Variants in SLC6A12 observed in about 807,000 individuals in gnomAD.
SLC6A12 encodes solute carrier family 6 member 12, also known as sodium- and chloride-dependent betaine transporter.
In SLC6A12, 50 loss-of-function variants were observed where a neutral mutation model predicts 73.3. The ratio of observed to expected loss-of-function variants is 0.68; its 90% CI spans 0.54 to 0.86. SLC6A12 has a LOEUF of 0.86. Ranked by LOEUF, SLC6A12 falls within the 40% of genes least tolerant of loss-of-function variation. The pLI is 0.00. For synonymous variants in SLC6A12, 304 were observed against 309.2 expected (o/e 0.98, Z 0.18); for missense variants, 648 against 772.8 (o/e 0.84, Z 1.92).
At chr12:187,703 T>A (rs771709135), downstream of SLC6A12, among the ~76,000 whole-genome samples, 6 of 147,574 alleles carry the variant, frequency 4.1e-5, no homozygotes, top group Non-Finnish European at 7.5e-5. Context: ...TCCGGCAGCC[T>A]GCTTTTATTC....
chr12:213,148 G>C lies in SLC6A12; in HGVS notation c.-143+774C>G, dbSNP rs1319562804. 6.6e-6 allele frequency: 1 copy of C among 152,350 alleles called. No individual in the cohort carries two copies. The highest frequency in any genetic ancestry group is 1.5e-5 in the Non-Finnish European group (1 of 68,186). The allele number at this position is 152,350 out of a possible 1,614,324, so 9.4% of individuals were successfully genotyped here. A position where few individuals can be genotyped will look rare whatever the true frequency, so the allele number is the denominator to read the frequency against. ...CCAGCTCTGTCCCCTTTGCTCCCCA[G>C]TCCAGCATAGGAATAGCTCAGACCC... On this transcript the variant is annotated intron_variant, in intron 1 of 15. Coordinates refer to ENST00000684302, the MANE Select transcript of SLC6A12 (RefSeq NM_001122848.3). The surrounding 1 kb of genome is among the most constrained non-coding windows in gnomAD (Gnocchi z 5.3).
rs766681014 is a variant in SLC6A12 at position 191,047 on chromosome 12, C to T, written c.*21G>A. The T allele has an allele frequency of 1.2e-5, 16 of 1,301,134 alleles. No homozygotes were observed. Among genetic ancestry groups the T allele is most frequent in the South Asian group, 3.3e-5 (1 of 30,190 alleles). The allele number at this position is 1,301,134 out of a possible 1,614,324, so 80.6% of individuals were successfully genotyped here. A position where few individuals can be genotyped will look rare whatever the true frequency, so the allele number is the denominator to read the frequency against. On this transcript the variant is annotated 3_prime_UTR_variant, in exon 16 of 16. Transcript: ENST00000684302. ...TGACCTAGGTTCCCGGCTTAGGAGC[C>T]GCCTGGCCTCTGGCCACACCCTACA...
chr12:195,381 C>G, intron 12 of SLC6A12, 54 bp from the exon 13 acceptor site: 1 of 1,182,446 alleles, frequency 8.5e-7, no homozygotes, highest in Non-Finnish European at 1.3e-6. Flanking sequence ...GGGACACACT[C>G]CAGCCCTCAG....
intron 7 of SLC6A12, among the ~76,000 whole-genome samples, chr12:200,257 C>CT: frequency 6.6e-6 from 1 of 150,782 alleles, no homozygotes; most frequent in East Asian, 1.9e-4. Context: ...TACAGGTGCC[C>CT]ACCACCACGC....
intron 2 of SLC6A12, 22 bp from the exon 3 acceptor site, chr12:210,065 A>G: frequency 6.4e-7 from 1 of 1,559,050 alleles, no homozygotes; most frequent in Non-Finnish European, 8.7e-7. Context: ...AGAAGAAATT[A>G]GCTGTAAAAC....
Position 207,919 on chromosome 12 carries a change from C to T in SLC6A12, c.214+1854G>A, listed in dbSNP as rs74057615. On this transcript the variant is annotated intron_variant, in intron 3 of 15. Transcript: ENST00000684302. ...GATCCGATATTCCATAATGTTACTGCGGGTACTCATCTCTCTCTCTCCACC... is the reference window on the plus strand; with the variant it reads ...GATCCGATATTCCATAATGTTACTGTGGGTACTCATCTCTCTCTCTCCACC... Among the ~76,000 whole-genome samples the T allele has an allele frequency of 9.9e-3, 1,509 of 152,220 alleles. 20 individuals carry two copies. Among genetic ancestry groups the T allele is most frequent in the African/African-American group, 0.031 (1,299 of 41,524 alleles).
intron 1 of SLC6A12, among the ~76,000 whole-genome samples, chr12:212,549 G>A (rs1170428180): frequency 1.3e-5 from 2 of 152,178 alleles, no homozygotes; most frequent in South Asian, 2.1e-4. Context: ...AAAAGTAATC[G>A]GGAGGAGCGT....
rs757189692 is a variant in SLC6A12, at chr12:202,822, G to A, written c.408C>T (p.Ile136=). 3.7e-5 allele frequency: 59 copies of A among 1,613,814 alleles called. No homozygotes were observed. The Admixed American group carries it at 9.8e-4, about 27-fold the overall frequency. Residue 136 remains isoleucine (I), a synonymous_variant, in exon 5 of 16, where the codon ATC becomes ATT. Coordinates refer to ENST00000684302, the MANE Select transcript of SLC6A12 (RefSeq NM_001122848.3). ...ACAGGTAGAAGAGAGCCCAGGCAAG[G>A]ATGATGATGTAGTAGACATTCAAAT... ...ESYLNVYYII[I]LAWALFYLFS... is the part of the protein sequence containing the mutation.
rs1591788027 is a variant in SLC6A12 at position 198,140 on chromosome 12, C to T, written c.847-137G>A. 1 of 667,066 alleles carries T rather than the reference C, an allele frequency of 1.5e-6. No individual in the cohort carries two copies. Among genetic ancestry groups the T allele is most frequent in the Non-Finnish European group, 2.6e-6 (1 of 379,232 alleles). 41.3% of individuals were successfully genotyped at this position (667,066 alleles called of 1,614,324 possible). A position where few individuals can be genotyped will look rare whatever the true frequency, so the allele number is the denominator to read the frequency against. ...TGAGCGCTTCCCTCCTGCATCCCAA[C>T]TCTCCGTGAGTGCGCCCTCCGGTCT... On this transcript the variant is annotated intron_variant, in intron 8 of 15. Coordinates refer to ENST00000684302, the MANE Select transcript of SLC6A12 (RefSeq NM_001122848.3). The surrounding 1 kb of genome is among the most constrained non-coding windows in gnomAD (Gnocchi z 4.0).
intron 15 of SLC6A12, 38 bp downstream of exon 15, chr12:192,440 C>T (rs757339294): frequency 6.3e-7 from 1 of 1,583,858 alleles, no homozygotes; most frequent in Non-Finnish European, 8.7e-7. Flanking sequence ...TCTCTCAGTG[C>T]CCTCCTTTAA....
chr12:189,256 A>T (rs509877), downstream of SLC6A12, among the ~76,000 whole-genome samples: 1 of 152,070 alleles, frequency 6.6e-6, no homozygotes, highest in African/African-American at 2.4e-5. Context: ...ACGCGGCGCT[A>T]CTCCCCTCTG....
chr12:208,634 A>G (rs1225076947), intron 3 of SLC6A12, among the ~76,000 whole-genome samples: 2 of 152,220 alleles, frequency 1.3e-5, no homozygotes, highest in Admixed American at 1.3e-4. Context: ...TTCCTGTGAA[A>G]TAGCCCAAAT....
downstream of SLC6A12, among the ~76,000 whole-genome samples, chr12:187,819 G>A (rs1039936367): frequency 1.3e-5 from 2 of 151,992 alleles, no homozygotes; most frequent in Admixed American, 1.3e-4. Context: ...GGTTTTGATT[G>A]GTGTGTTTAC....
intron 15 of SLC6A12, 126 bp from the exon 16 acceptor site, chr12:191,337 G>A (rs904269612): frequency 6.9e-6 from 5 of 723,742 alleles, no homozygotes; most frequent in African/African-American, 3.7e-5. Flanking sequence ...GTATGAGTGA[G>A]TCAATGAATG....
intron 13 of SLC6A12, 121 bp downstream of exon 13, chr12:195,104 G>A (rs1939799713): frequency 8.5e-6 from 6 of 709,378 alleles, no homozygotes; most frequent in African/African-American, 1.7e-5. Flanking sequence ...CAGGGCAACA[G>A]CGCAAAGACA....
chr12:202,668 T>A (rs1168418729), intron 5 of SLC6A12, 72 bp downstream of exon 5: 1 of 1,500,190 alleles, frequency 6.7e-7, no homozygotes, highest in Admixed American at 1.8e-5. Flanking sequence ...CTCCCCGTCG[T>A]TGCTTGGATT....
chr12:206,035 C>A (rs1351264610), intron 3 of SLC6A12, among the ~76,000 whole-genome samples: 1 of 152,190 alleles, frequency 6.6e-6, no homozygotes, highest in Non-Finnish European at 1.5e-5. Context: ...ATTCCTGAGT[C>A]AAAAGTTATG....
In SLC6A12 at chr12:193,341, A is replaced by G; in HGVS notation, c.1466T>C (p.Ile489Thr). 1.2e-6 allele frequency: 2 copies of G among 1,614,060 alleles called. 1 individual carries two copies. Among genetic ancestry groups the G allele is most frequent in the Non-Finnish European group, 1.7e-6 (2 of 1,179,962 alleles). ...DRFYDNIEDM[I>T]GYRPWPLVKI... ...CACCAGGGGCCATGGCCGGTAGCCA[A>G]TCATGTCCTCAATGTTGTCATAGAA... Residue 489 changes from isoleucine (I) to threonine (T), a missense_variant, in exon 14 of 16, where the codon ATT (isoleucine) becomes ACT (threonine). Transcript: ENST00000684302.
chr12:196,399 G>T, intron 11 of SLC6A12, 138 bp from the exon 12 acceptor site: 1 of 1,087,194 alleles, frequency 9.2e-7, no homozygotes, highest in Non-Finnish European at 1.3e-6. Context: ...AAATGGGGGT[G>T]CCCTGGGGTG....
Sources: allele counts gnomAD v4.1 joint callset (sites outside exome capture counted in the v4.1 genomes callset), GRCh38; gene constraint gnomAD v4.1.1; non-coding constraint Gnocchi (gnomAD v3.1); transcripts MANE v1.5; gene names NCBI Gene and HGNC (gene_info 2026-07-23, HGNC 2026-07-21).